SUCLA2: variants seen among roughly 807,000 people sequenced by gnomAD.
The protein encoded by SUCLA2 is succinate--CoA ligase [ADP-forming] subunit beta, mitochondrial.
Under a neutral mutation model 54.8 loss-of-function variants are expected in SUCLA2, and 30 were observed. The ratio of observed to expected loss-of-function variants is 0.55; its 90% CI spans 0.41 to 0.74. SUCLA2 has a LOEUF of 0.74. Ranked by LOEUF, SUCLA2 falls within the 30% of genes least tolerant of loss-of-function variation. The probability of loss-of-function intolerance (pLI) is 0.00; values close to 1 mark genes in which losing one functional copy is unlikely to be tolerated. For missense variants in SUCLA2, 476 were observed against 562.9 expected, an observed-to-expected ratio of 0.85 and a Z score of 1.56; for synonymous variants, 172 against 188.9, an observed-to-expected ratio of 0.91 and a Z score of 0.74.
At chr13:47,944,666 C>T (rs1949714995) in intron 10 of SUCLA2, among the ~76,000 whole-genome samples, 1 of 152,162 alleles carries the variant, frequency 6.6e-6, no homozygotes, top group South Asian at 2.1e-4. Flanking sequence ...ATACTTTCTC[C>T]TACTATTCCC....
At chr13:47,950,733 T>C (rs1949769563) in intron 8 of SUCLA2, among the ~76,000 whole-genome samples, 1 of 152,164 alleles carries the variant, frequency 6.6e-6, no homozygotes, top group Non-Finnish European at 1.5e-5. Context: ...GCATTGTAGA[T>C]ACACCAAAAT....
intron 6 of SUCLA2, among the ~76,000 whole-genome samples, chr13:47,962,124 A>G (rs1030726790): frequency 2.6e-5 from 4 of 151,912 alleles, no homozygotes; most frequent in African/African-American, 9.7e-5. Context: ...AATATTGATG[A>G]TTCTTTTGTT....
intron 2 of SUCLA2, among the ~76,000 whole-genome samples, chr13:47,993,241 A>G (rs1950163255): frequency 1.3e-5 from 2 of 152,190 alleles, no homozygotes; most frequent in African/African-American, 4.8e-5. Flanking sequence ...CAGAAACAAA[A>G]CAACAAACAT....
At chr13:47,984,640 G>A (rs138902929) in intron 4 of SUCLA2, among the ~76,000 whole-genome samples, 34 of 152,176 alleles carry the variant, frequency 2.2e-4, no homozygotes, top group African/African-American at 7.2e-4. Context: ...GCAGGGCATC[G>A]TGGAATGCAC....
intron 2 of SUCLA2, among the ~76,000 whole-genome samples, chr13:47,990,835 A>C (rs9534900): frequency 0.39 from 59,861 of 152,074 alleles, 14,553 homozygotes; most frequent in East Asian, 0.55. Flanking sequence ...ACCAAACAAA[A>C]ACAACCTAAA....
At chr13:47,964,628 C>T (rs573609501) in intron 6 of SUCLA2, among the ~76,000 whole-genome samples, 14 of 152,116 alleles carry the variant, frequency 9.2e-5, no homozygotes, top group Admixed American at 3.3e-4. Flanking sequence ...GAGGCCAAGG[C>T]GGGCGGATCA....
intron 8 of SUCLA2, among the ~76,000 whole-genome samples, chr13:47,952,687 A>T (rs560882755): frequency 3.1e-4 from 47 of 152,222 alleles, no homozygotes; most frequent in Non-Finnish European, 1.8e-4. Context: ...GATCTCTTCC[A>T]CAAGAGAATT....
intron 1 of SUCLA2, chr13:48,000,952 GGC>G: frequency 7.1e-7 from 1 of 1,403,408 alleles, no homozygotes; most frequent in Non-Finnish European, 9.3e-7. Context: ...GCCACGGCCG[GGC>G]CGCCGGGGAT....
rs189254689 is a variant in SUCLA2, at chr13:47,943,188, G to A, written c.*183C>T. Reference sequence around the variant, plus strand: ...AAGATAACTGCATTATACATGCTTCGTACAAACAGTCCATTCTGAATGGTA... The same window carrying A: ...AAGATAACTGCATTATACATGCTTCATACAAACAGTCCATTCTGAATGGTA... On this transcript the variant is annotated 3_prime_UTR_variant, in exon 11 of 11. Transcript: ENST00000646932. 38 of 662,254 alleles carry A rather than the reference G, an allele frequency of 5.7e-5. No homozygotes were observed. The Admixed American group carries it at 6.0e-4, about 11-fold the overall frequency. 41.0% of individuals were successfully genotyped at this position (662,254 alleles called of 1,614,324 possible). A position where few individuals can be genotyped will look rare whatever the true frequency, so the allele number is the denominator to read the frequency against.
At chr13:47,982,687 A>AT (rs61446213) in intron 4 of SUCLA2, among the ~76,000 whole-genome samples, 1 of 146,214 alleles carries the variant, frequency 6.8e-6, no homozygotes, top group African/African-American at 2.5e-5. Flanking sequence ...GGTAAGGTAA[A>AT]TTTTTTGTTA....
chr13:47,949,790 T>A (rs1949762102), intron 8 of SUCLA2, among the ~76,000 whole-genome samples, 187 bp from the exon 9 acceptor site: 1 of 152,342 alleles, frequency 6.6e-6, no homozygotes, highest in Non-Finnish European at 1.5e-5. Flanking sequence ...CCAGAACTTA[T>A]TTCCATCTCC....
At chr13:47,991,270 A>G (rs1239554797) in intron 2 of SUCLA2, among the ~76,000 whole-genome samples, 2 of 152,106 alleles carry the variant, frequency 1.3e-5, no homozygotes, top group Non-Finnish European at 2.9e-5. Context: ...TACACTTTTT[A>G]TCTCCTAGGC....
At chr13:47,960,293 G>T (rs547540233) in intron 6 of SUCLA2, among the ~76,000 whole-genome samples, 2 of 152,184 alleles carry the variant, frequency 1.3e-5, no homozygotes, top group Admixed American at 1.3e-4. Flanking sequence ...TTTATCTAAA[G>T]TTCCTAAGCT....
At chr13:47,994,058 C>CAAA (rs59292218) in intron 2 of SUCLA2, among the ~76,000 whole-genome samples, 4 of 131,138 alleles carry the variant, frequency 3.1e-5, no homozygotes, top group East Asian at 2.2e-4. Flanking sequence ...AACTCCGTCT[C>CAAA]AAAAAAAAAA....
intron 4 of SUCLA2, chr13:47,988,320 C>G: frequency 3.7e-6 from 2 of 545,866 alleles, no homozygotes; most frequent in South Asian, 6.0e-5. Flanking sequence ...TTTATTACAG[C>G]AGAATTTTTC....
intron 4 of SUCLA2, among the ~76,000 whole-genome samples, chr13:47,975,939 G>T (rs370887386): frequency 6.6e-6 from 1 of 152,176 alleles, no homozygotes; most frequent in East Asian, 1.9e-4. Flanking sequence ...CAACTGCACA[G>T]ACAATGATTC....
Position 47,954,222 on chromosome 13 carries a change from G to A in SUCLA2, c.1025C>T (p.Pro342Leu), listed in dbSNP as rs1224486973. The A allele has an allele frequency of 6.2e-7, 1 of 1,613,894 alleles. No individual in the cohort carries two copies. The highest frequency in any genetic ancestry group is 8.5e-7 in the Non-Finnish European group (1 of 1,179,864). ...MDIIKLHGGT[P>L]ANFLDVGGGA... ...ACCACCAACATCAAGGAAGTTGGCT[G>A]GAGTCCCTCCATGAAGTTTTATTAT... Residue 342 changes from proline (P) to leucine (L), a missense_variant, in exon 8 of 11, where the codon CCA becomes CTA. Around this residue, in one of 2 missense-constraint regions of SUCLA2, gnomAD observed 342 missense variants for 444.2 expected, o/e 0.77. Coordinates refer to ENST00000646932, the MANE Select transcript of SUCLA2 (RefSeq NM_003850.3).
At chr13:47,961,644 T>A (rs1480876685) in intron 6 of SUCLA2, among the ~76,000 whole-genome samples, 2 of 152,180 alleles carry the variant, frequency 1.3e-5, no homozygotes, top group East Asian at 1.9e-4. Context: ...TAACTGTCTT[T>A]GGGTTATATT....
chr13:47,965,610 C>T, intron 6 of SUCLA2: 1 of 397,478 alleles, frequency 2.5e-6, no homozygotes, highest in Non-Finnish European at 4.4e-6. Flanking sequence ...ATGGATGTGA[C>T]AACTCAATTC....
Sources: allele counts gnomAD v4.1 joint callset (sites outside exome capture counted in the v4.1 genomes callset), GRCh38; gene constraint gnomAD v4.1.1; regional missense constraint gnomAD v4.1.1; transcripts MANE v1.5; gene names NCBI Gene and HGNC (gene_info 2026-07-23, HGNC 2026-07-21).